KIAA0232: variants seen among roughly 807,000 people sequenced by gnomAD.
KIAA0232 encodes the protein KIAA0232.
Under a neutral mutation model 122.0 loss-of-function variants are expected in KIAA0232, and 27 were observed. That is an observed-to-expected ratio of 0.22 (90% CI 0.16 to 0.31). KIAA0232 has a LOEUF of 0.31. KIAA0232 is among the 10% of genes least tolerant of loss of function. The pLI, the probability that KIAA0232 is intolerant of heterozygous loss-of-function variation, is 1.00. For synonymous variants in KIAA0232, 613 were observed against 587.6 expected (o/e 1.04, Z -0.63); for missense variants, 1,551 against 1,634.2 (o/e 0.95, Z 0.88).
intron 2 of KIAA0232, among the ~76,000 whole-genome samples, chr4:6,815,390 A>G (rs1312071349): frequency 1.3e-5 from 2 of 152,252 alleles, no homozygotes; most frequent in Non-Finnish European, 1.5e-5. Context: ...ACAACTAGAA[A>G]TAGTCTCTAA....
intron 1 of KIAA0232, among the ~76,000 whole-genome samples, chr4:6,783,671 C>T (rs1003427427): frequency 2.7e-5 from 4 of 149,212 alleles, no homozygotes; most frequent in African/African-American, 9.8e-5. Flanking sequence ...ACTGGCGCGC[C>T]GGCCTATGGC....
chr4:6,837,563 G>A (rs1008403343), intron 3 of KIAA0232, among the ~76,000 whole-genome samples: 9 of 152,328 alleles, frequency 5.9e-5, no homozygotes, highest in South Asian at 2.1e-4. Flanking sequence ...CAAGGCAGGC[G>A]GCTGGGAGGT....
At chr4:6,785,156 C>T (rs551176992) in intron 1 of KIAA0232, among the ~76,000 whole-genome samples, 2 of 152,114 alleles carry the variant, frequency 1.3e-5, no homozygotes, top group Non-Finnish European at 2.9e-5. Context: ...CCAGGATGGT[C>T]TTTCTCTCCT....
At chr4:6,866,736 G>A (rs141000798) in intron 7 of KIAA0232, among the ~76,000 whole-genome samples, 11 of 152,302 alleles carry the variant, frequency 7.2e-5, no homozygotes, top group Non-Finnish European at 1.5e-4. Context: ...ATTTTCAAAA[G>A]TTTAGTTCAA....
intron 4 of KIAA0232, among the ~76,000 whole-genome samples, chr4:6,847,341 G>A (rs116232743): frequency 1.0e-3 from 156 of 152,306 alleles, no homozygotes; most frequent in African/African-American, 3.4e-3. Context: ...ATACTACACC[G>A]TGCCTCCACT....
Position 6,861,353 on chromosome 4 carries a change from A to G in KIAA0232, c.971A>G (p.Asn324Ser), listed in dbSNP as rs371019803. 6.2e-7 allele frequency: 1 copy of G among 1,614,084 alleles called. No homozygotes were observed. Among genetic ancestry groups the G allele is most frequent in the African/African-American group, 1.3e-5 (1 of 74,942 alleles). ...AGACACAAGGCACGAGAGATTCGAA[A>G]CAAAAAAGGGCGGAATGGGCAAAGC... ...KVRHKAREIR[N>S]KKGRNGQSRL... The change falls in exon 7 of 10, where the codon AAC (asparagine) becomes AGC (serine). Residue 324 changes from asparagine to serine, a missense_variant. Asn to Ser is a conservative substitution (Grantham distance 46). Around this residue, in one of 5 missense-constraint regions of KIAA0232, gnomAD observed 377 missense variants for 381.7 expected, o/e 0.99. Transcript: ENST00000307659.
At chr4:6,857,587 C>G (rs536061391) in intron 5 of KIAA0232, among the ~76,000 whole-genome samples, 1 of 152,152 alleles carries the variant, frequency 6.6e-6, no homozygotes, top group Non-Finnish European at 1.5e-5. Context: ...TTTCCCCATC[C>G]TTGCCCCTCT....
chr4:6,824,818 A>G, intron 3 of KIAA0232, 134 bp downstream of exon 3: 1 of 728,270 alleles, frequency 1.4e-6, no homozygotes, highest in East Asian at 2.7e-5. Context: ...GTCAGTGACC[A>G]GATGGTAAGA....
At chr4:6,859,377 G>C (rs1368436849) in intron 6 of KIAA0232, among the ~76,000 whole-genome samples, 1 of 152,096 alleles carries the variant, frequency 6.6e-6, no homozygotes, top group African/African-American at 2.4e-5. Flanking sequence ...GTATAGACCT[G>C]TATTATCCAG....
chr4:6,861,068 G>A lies in KIAA0232; in HGVS notation c.686G>A (p.Ser229Asn). ...TSSPKDCNSESEVTKERSSEV... is the reference protein window; with the variant it reads ...TSSPKDCNSENEVTKERSSEV... ...TCTCCTAAGGACTGCAACAGTGAAA[G>A]TGAAGTCACCAAGGAAAGAAGCAGT... is the stretch of plus-strand genomic sequence containing the variant. The change falls in exon 7 of 10, where the codon AGT becomes AAT. Residue 229 changes from serine (S) to asparagine (N), a missense_variant. Around this residue, in one of 5 missense-constraint regions of KIAA0232, gnomAD observed 377 missense variants for 381.7 expected, o/e 0.99. Coordinates refer to ENST00000307659, the MANE Select transcript of KIAA0232 (RefSeq NM_014743.3). 1 of 1,614,178 alleles carries A rather than the reference G, an allele frequency of 6.2e-7. No homozygotes were observed. Among genetic ancestry groups the A allele is most frequent in the Non-Finnish European group, 8.5e-7 (1 of 1,180,024 alleles).
chr4:6,852,520 A>C (rs1424714687), intron 4 of KIAA0232, among the ~76,000 whole-genome samples: 1 of 152,182 alleles, frequency 6.6e-6, no homozygotes, highest in Non-Finnish European at 1.5e-5. Context: ...CCTACCACTA[A>C]TCTTCCAACT....
At chr4:6,795,661 C>G (rs1000265184) in intron 1 of KIAA0232, among the ~76,000 whole-genome samples, 1 of 152,166 alleles carries the variant, frequency 6.6e-6, no homozygotes, top group Non-Finnish European at 1.5e-5. Context: ...GGTACATTCA[C>G]AGCTTCTTGC....
rs869265303 is a variant in KIAA0232, at chr4:6,880,011, CG to C, written c.4009-775del. Among the ~76,000 whole-genome samples the C allele has an allele frequency of 2.2e-4, 13 of 59,846 alleles. 6 individuals are homozygous for C. Among genetic ancestry groups the C allele is most frequent in the Non-Finnish European group, 2.5e-4 (7 of 28,294 alleles). The allele number at this position is 59,846 out of a possible 152,430, so 39.3% of individuals were successfully genotyped here. A position where few individuals can be genotyped will look rare whatever the true frequency, so the allele number is the denominator to read the frequency against. On this transcript the variant is annotated intron_variant, in intron 9 of 9. Transcript: ENST00000307659. ...TTCCCAACACACAGGTCTGTAGTGT[CG>C]CCTCACCATCTGTACTGTGTCACTG...
intron 5 of KIAA0232, 91 bp downstream of exon 5, chr4:6,857,321 A>G (rs1038877676): frequency 8.9e-7 from 1 of 1,118,598 alleles, no homozygotes. Context: ...TCAGAAAAGA[A>G]AACAACCAGA....
At chr4:6,834,393 A>G (rs1024789461) in intron 3 of KIAA0232, among the ~76,000 whole-genome samples, 1 of 152,220 alleles carries the variant, frequency 6.6e-6, no homozygotes, top group African/African-American at 2.4e-5. Context: ...CTCAGTAAAT[A>G]TTGACAACTA....
intron 3 of KIAA0232, among the ~76,000 whole-genome samples, chr4:6,832,644 C>T (rs1719057497): frequency 6.6e-6 from 1 of 152,162 alleles, no homozygotes; most frequent in Non-Finnish European, 1.5e-5. Context: ...CCACCACGCC[C>T]AGCCAGAGTT....
At chr4:6,799,800 T>A (rs1717294170) in intron 1 of KIAA0232, among the ~76,000 whole-genome samples, 1 of 152,066 alleles carries the variant, frequency 6.6e-6, no homozygotes, top group African/African-American at 2.4e-5. Flanking sequence ...GTTCAAGCGA[T>A]TCTCCTGCCT....
chr4:6,794,210 T>G (rs1385273658), intron 1 of KIAA0232, among the ~76,000 whole-genome samples: 5 of 152,210 alleles, frequency 3.3e-5, no homozygotes, highest in African/African-American at 1.2e-4. Context: ...TGAGAAAGTC[T>G]TGACCAAGCT....
At position 6,844,085 on chromosome 4, in the gene KIAA0232, G is replaced by C. The variant is rs529014307; in HGVS notation, c.369+1881G>C. Among the ~76,000 whole-genome samples the C allele has an allele frequency of 4.1e-4, 62 of 151,288 alleles. 1 individual carries two copies. In the South Asian group the frequency reaches 0.011, roughly 27 times the overall value. ...CTCCTGAATAGCTGGGACTACAGGC[G>C]CCCGCCACCACGCCCGGCTAATTTT... On this transcript the variant is annotated intron_variant, in intron 4 of 9. Coordinates refer to ENST00000307659, the MANE Select transcript of KIAA0232 (RefSeq NM_014743.3).
Sources: allele counts gnomAD v4.1 joint callset (sites outside exome capture counted in the v4.1 genomes callset), GRCh38; gene constraint gnomAD v4.1.1; regional missense constraint gnomAD v4.1.1; transcripts MANE v1.5; gene names NCBI Gene and HGNC (gene_info 2026-07-23, HGNC 2026-07-21).